CSMD1: variants seen among roughly 807,000 people sequenced by gnomAD.
CSMD1 encodes CUB and sushi domain-containing protein 1.
Under a neutral mutation model 417.5 loss-of-function variants are expected in CSMD1, and 213 were observed. The ratio of observed to expected loss-of-function variants is 0.51; its 90% CI spans 0.46 to 0.57. CSMD1 has a LOEUF of 0.57. Among genes scored for constraint, CSMD1 ranks in the 20% least tolerant of loss-of-function variants. CSMD1 has a pLI of 0.00. For synonymous variants in CSMD1, 2,862 were observed against 1,736.8 expected, an observed-to-expected ratio of 1.65 and a Z score of -16.11; for missense variants, 6,923 against 4,529.7, an observed-to-expected ratio of 1.53 and a Z score of -15.17.
Position 2,962,554 on chromosome 8 carries a change from C to T in CSMD1, c.9540G>A (p.Gln3180=), listed in dbSNP as rs149224928. 1.4e-3 allele frequency: 2,269 copies of T among 1,613,896 alleles called. 47 individuals are homozygous for T. The East Asian group carries it at 0.039, about 27-fold the overall frequency. Residue 3180 remains glutamine (Q), a synonymous_variant, in exon 61 of 70, where the codon CAG becomes CAA. Transcript: ENST00000635120. ...CCACGAGTATAAATGGAGATTTGCA[C>T]TGGAAGAAGACTTCGGACTTATAGG... The part of the protein sequence containing the change: ...SFTYKSEVFF[Q]CKSPFILVGS...
chr8:4,078,320 T>G (rs1799940166), intron 3 of CSMD1, among the ~76,000 whole-genome samples: 1 of 150,660 alleles, frequency 6.6e-6, no homozygotes. Flanking sequence ...CAACTTTTTT[T>G]TTTTTTTTTT....
intron 3 of CSMD1, among the ~76,000 whole-genome samples, chr8:4,243,138 T>G (rs1320216097): frequency 6.6e-6 from 1 of 151,936 alleles, no homozygotes; most frequent in African/African-American, 2.4e-5. Flanking sequence ...ATTGAGCAGT[T>G]GGAAAAAGGA....
intron 2 of CSMD1, among the ~76,000 whole-genome samples, chr8:4,539,623 C>G (rs1797282920): frequency 6.6e-6 from 1 of 152,230 alleles, no homozygotes; most frequent in Non-Finnish European, 1.5e-5. Flanking sequence ...GTTTGATGTA[C>G]CACAGGTGGA....
At position 4,446,060 on chromosome 8, in the gene CSMD1, G is replaced by A. The variant is rs73660835; in HGVS notation, c.303-25995C>T. Among the ~76,000 whole-genome samples, 997 of 152,280 alleles carry A rather than the reference G, an allele frequency of 6.5e-3. 13 individuals are homozygous for A. The highest frequency in any genetic ancestry group is 0.023 in the African/African-American group (949 of 41,548). ...GACACAGCCCAAGAAGAGGAGACGA[G>A]GCTGTTTCATAGGCGGAAGGGCTCC... On this transcript the variant is annotated intron_variant, in intron 2 of 69. Transcript: ENST00000635120.
chr8:4,770,073 T>G (rs1585071377), intron 1 of CSMD1, among the ~76,000 whole-genome samples: 1 of 151,868 alleles, frequency 6.6e-6, no homozygotes. Context: ...AGGACACAAA[T>G]GCATGAAAAG....
At chr8:3,947,229 T>A (rs929886289) in intron 5 of CSMD1, among the ~76,000 whole-genome samples, 2 of 152,234 alleles carry the variant, frequency 1.3e-5, no homozygotes, top group Non-Finnish European at 2.9e-5. Flanking sequence ...AAAAGCTGCA[T>A]GATAAACAGA....
chr8:3,931,146 G>C (rs1810108910), intron 5 of CSMD1, among the ~76,000 whole-genome samples: 2 of 150,652 alleles, frequency 1.3e-5, no homozygotes, highest in South Asian at 4.3e-4. Flanking sequence ...GATAATTTCA[G>C]CTAAACATCG....
chr8:4,903,205 C>T (rs893136960), intron 1 of CSMD1, among the ~76,000 whole-genome samples: 1 of 152,066 alleles, frequency 6.6e-6, no homozygotes, highest in Non-Finnish European at 1.5e-5. Context: ...AGTTTTAAAA[C>T]AGTGCTTCTC....
rs188791819 is a variant in CSMD1 at position 4,948,354 on chromosome 8, T to G, written c.85+45978A>C. 2.1e-3 allele frequency among the ~76,000 whole-genome samples: 325 copies of G among 152,172 alleles called. 1 individual carries two copies. The highest frequency in any genetic ancestry group is 3.8e-3 in the Non-Finnish European group (258 of 67,934). ...GTGTCAATTCAAAATATTTGCACATTTTTTTCTTAGAATAATTGTTTATAT... is the reference window on the plus strand; with the variant it reads ...GTGTCAATTCAAAATATTTGCACATGTTTTTCTTAGAATAATTGTTTATAT... On this transcript the variant is annotated intron_variant, in intron 1 of 69. Coordinates refer to ENST00000635120, the MANE Select transcript of CSMD1 (RefSeq NM_033225.6).
chr8:3,518,997 C>T (rs990197887), intron 10 of CSMD1, among the ~76,000 whole-genome samples: 1 of 152,150 alleles, frequency 6.6e-6, no homozygotes, highest in Non-Finnish European at 1.5e-5. Context: ...TATAAATGAT[C>T]TGTTTTTAAA....
At chr8:3,478,783 G>A (rs1048018855) in intron 11 of CSMD1, among the ~76,000 whole-genome samples, 3 of 152,252 alleles carry the variant, frequency 2.0e-5, no homozygotes, top group African/African-American at 7.2e-5. Flanking sequence ...TGTTCCTTGT[G>A]GTCCCAGGGC....
At chr8:3,298,224 T>C (rs1001627045) in intron 25 of CSMD1, among the ~76,000 whole-genome samples, 8 of 152,212 alleles carry the variant, frequency 5.3e-5, no homozygotes, top group African/African-American at 1.9e-4. Context: ...CAGCAATTCC[T>C]GGCCTCAGTG....
chr8:3,383,860 T>C (rs990598506), intron 18 of CSMD1, among the ~76,000 whole-genome samples: 2 of 152,138 alleles, frequency 1.3e-5, no homozygotes, highest in African/African-American at 2.4e-5. Context: ...ATAAAAACTT[T>C]TGATATGTTT....
intron 25 of CSMD1, among the ~76,000 whole-genome samples, chr8:3,295,995 G>C (rs193263832): frequency 2.0e-5 from 3 of 151,988 alleles, no homozygotes; most frequent in Non-Finnish European, 4.4e-5. Flanking sequence ...GAAGAGATAG[G>C]CAAACCACAG....
intron 3 of CSMD1, among the ~76,000 whole-genome samples, chr8:4,358,700 G>T (rs918510523): frequency 6.6e-6 from 1 of 152,120 alleles, no homozygotes; most frequent in African/African-American, 2.4e-5. Flanking sequence ...GTAGAAACCA[G>T]GTATTTGTAG....
chr8:3,397,376 T>G lies in CSMD1; in HGVS notation c.2406-995A>C, dbSNP rs544603982. Among the ~76,000 whole-genome samples, 5 of 152,278 alleles carry G rather than the reference T, an allele frequency of 3.3e-5. No individual in the cohort carries two copies. The East Asian group carries it at 9.7e-4, about 29-fold the overall frequency. On this transcript the variant is annotated intron_variant, in intron 16 of 69. Transcript: ENST00000635120. ...GGCGTGTAGCAACAGAAAACGATGT[T>G]GAAACCAAAGGGCTGTGTCCTGTAT... is the stretch of plus-strand genomic sequence containing the variant.
chr8:4,147,767 C>T (rs1320940147), intron 3 of CSMD1, among the ~76,000 whole-genome samples: 1 of 152,044 alleles, frequency 6.6e-6, no homozygotes, highest in East Asian at 1.9e-4. Context: ...CATGGACTTG[C>T]CATGTGAGAT....
chr8:4,109,907 A>G (rs1313694947), intron 3 of CSMD1, among the ~76,000 whole-genome samples: 2 of 152,142 alleles, frequency 1.3e-5, no homozygotes, highest in Non-Finnish European at 2.9e-5. Context: ...TTTTCCAGGC[A>G]ATTTGGGCAC....
intron 5 of CSMD1, among the ~76,000 whole-genome samples, chr8:3,954,887 G>A (rs73658504): frequency 0.03 from 4,576 of 152,218 alleles, 201 homozygotes; most frequent in African/African-American, 0.1. Context: ...TCTGGTGGAG[G>A]GTACGTGGAA....
Sources: allele counts gnomAD v4.1 joint callset (sites outside exome capture counted in the v4.1 genomes callset), GRCh38; gene constraint gnomAD v4.1.1; transcripts MANE v1.5; gene names NCBI Gene and HGNC (gene_info 2026-07-23, HGNC 2026-07-21).